The following NTNG1 variants were observed in gnomAD, a reference collection of about 807,000 sequenced individuals.
NTNG1 encodes the protein netrin G1.
Under a neutral mutation model 54.0 loss-of-function variants are expected in NTNG1, and 16 were observed. That is an observed-to-expected ratio of 0.30 (90% CI 0.20 to 0.45). The LOEUF (loss-of-function observed/expected upper bound fraction) is 0.45, where lower values mean the gene tolerates loss of function less well. Among genes scored for constraint, NTNG1 ranks in the 20% least tolerant of loss-of-function variants. NTNG1 has a pLI of 1.00. For missense variants in NTNG1, 530 were observed against 678.7 expected (o/e 0.78, Z 2.43); for synonymous variants, 255 against 263.1 (o/e 0.97, Z 0.30).
At chr1:107,400,323 T>G (rs1195115601) in intron 4 of NTNG1, among the ~76,000 whole-genome samples, 1 of 152,060 alleles carries the variant, frequency 6.6e-6, no homozygotes, top group Non-Finnish European at 1.5e-5. Context: ...TTACAACTGG[T>G]CAACTATCTT....
chr1:107,328,964 A>G (rs1256612453), intron 3 of NTNG1: 1 of 152,156 alleles, frequency 6.6e-6, no homozygotes, highest in Non-Finnish European at 1.5e-5. Flanking sequence ...AACTCCCATC[A>G]ACATCTTCAG....
At chr1:107,237,388 T>C (rs2101562065) in intron 2 of NTNG1, among the ~76,000 whole-genome samples, 1 of 152,298 alleles carries the variant, frequency 6.6e-6, no homozygotes, top group African/African-American at 2.4e-5. Flanking sequence ...CATAAAAGTT[T>C]GGAAAATATG....
intron 3 of NTNG1, among the ~76,000 whole-genome samples, chr1:107,350,153 A>C (rs1166752258): frequency 2.6e-5 from 4 of 152,182 alleles, no homozygotes; most frequent in Non-Finnish European, 4.4e-5. Flanking sequence ...TGATGAAGAT[A>C]GAAGCTCTAA....
intron 5 of NTNG1, among the ~76,000 whole-genome samples, chr1:107,426,999 T>A (rs897647895): frequency 6.6e-6 from 1 of 152,100 alleles, no homozygotes; most frequent in African/African-American, 2.4e-5. Context: ...TATTGGTGTA[T>A]AGAAATGCTA....
intron 7 of NTNG1, among the ~76,000 whole-genome samples, chr1:107,449,019 A>T (rs1406898548): frequency 6.6e-6 from 1 of 152,138 alleles, no homozygotes; most frequent in Non-Finnish European, 1.5e-5. Flanking sequence ...GATGGCAATT[A>T]CCATTTAATC....
At chr1:107,175,394 T>C (rs72979596) in intron 2 of NTNG1, among the ~76,000 whole-genome samples, 1 of 152,142 alleles carries the variant, frequency 6.6e-6, no homozygotes, top group Non-Finnish European at 1.5e-5. Flanking sequence ...CTTCATAGGA[T>C]AAATTGTTTG....
At chr1:107,179,755 C>A (rs548867995) in intron 2 of NTNG1, among the ~76,000 whole-genome samples, 42 of 152,220 alleles carry the variant, frequency 2.8e-4, no homozygotes, top group African/African-American at 9.1e-4. Flanking sequence ...ACCCTCCACC[C>A]TCCGAAATAT....
chr1:107,298,483 T>C (rs1666117272), intron 2 of NTNG1, among the ~76,000 whole-genome samples: 1 of 152,220 alleles, frequency 6.6e-6, no homozygotes, highest in Admixed American at 6.5e-5. Flanking sequence ...TAGCAGAGAA[T>C]ATGCCATCCA....
At chr1:107,174,546 A>C (rs1216308783) in intron 2 of NTNG1, among the ~76,000 whole-genome samples, 8 of 152,024 alleles carry the variant, frequency 5.3e-5, no homozygotes, top group Non-Finnish European at 1.5e-5. Context: ...CTGCCCACCA[A>C]GACTTCCAAA....
chr1:107,277,941 T>C (rs1664589727), intron 2 of NTNG1, among the ~76,000 whole-genome samples: 1 of 152,204 alleles, frequency 6.6e-6, no homozygotes, highest in Admixed American at 6.5e-5. Flanking sequence ...CGTTATTTCA[T>C]ATAACATTTT....
At chr1:107,473,061 C>G (rs930842444) in intron 7 of NTNG1, among the ~76,000 whole-genome samples, 2 of 152,080 alleles carry the variant, frequency 1.3e-5, no homozygotes, top group South Asian at 4.1e-4. Context: ...TTGAAAAGGA[C>G]GGGAACAATT....
At chr1:107,413,453 T>C (rs553677326) in intron 5 of NTNG1, among the ~76,000 whole-genome samples, 1 of 152,160 alleles carries the variant, frequency 6.6e-6, no homozygotes, top group East Asian at 1.9e-4. Flanking sequence ...CTTAAAAAAT[T>C]TTTTTCAATT....
chr1:107,359,936 G>T (rs1003964007), intron 3 of NTNG1, among the ~76,000 whole-genome samples: 4 of 152,116 alleles, frequency 2.6e-5, no homozygotes, highest in African/African-American at 9.7e-5. Context: ...ACCCAAAACA[G>T]TTGGGCCCAA....
chr1:107,219,746 C>G (rs1454719916), intron 2 of NTNG1, among the ~76,000 whole-genome samples: 1 of 152,146 alleles, frequency 6.6e-6, no homozygotes, highest in Admixed American at 6.5e-5. Flanking sequence ...GTGATGTGAT[C>G]TATCTTCAGG....
In NTNG1 at chr1:107,441,581, C is replaced by T. The variant is rs946877394; in HGVS notation, c.1390+4782C>T. Among the ~76,000 whole-genome samples the T allele has an allele frequency of 3.3e-5, 5 of 152,162 alleles. No homozygotes were observed. In the South Asian group the frequency reaches 6.2e-4, roughly 19 times the overall value. The stretch of plus-strand genomic sequence containing the variant: ...GGAAAGGCTTTCCATTTTTAAGGAA[C>T]CATGTGAATAGATTGGGCCCACACA... On this transcript the variant is annotated intron_variant, in intron 7 of 7. Transcript: ENST00000370068.
intron 7 of NTNG1, chr1:107,455,647 GT>G: frequency 2.0e-6 from 1 of 489,650 alleles, no homozygotes; most frequent in East Asian, 5.9e-5. Flanking sequence ...GGTAACTGCT[GT>G]TGCACTGCAG....
chr1:107,203,570 G>C (rs917801163), intron 2 of NTNG1, among the ~76,000 whole-genome samples: 6 of 83,544 alleles, frequency 7.2e-5, no homozygotes, highest in Admixed American at 3.6e-4. Context: ...CATATATATA[G>C]TTACTGTGTG....
At chr1:107,243,806 C>T (rs10494064) in intron 2 of NTNG1, among the ~76,000 whole-genome samples, 8,995 of 151,912 alleles carry the variant, frequency 0.059, 875 homozygotes, top group African/African-American at 0.2. Flanking sequence ...ACTCTGCACT[C>T]GAATCATTTT....
intron 2 of NTNG1, among the ~76,000 whole-genome samples, chr1:107,287,490 G>A (rs1484885271): frequency 6.6e-6 from 1 of 152,172 alleles, no homozygotes; most frequent in Non-Finnish European, 1.5e-5. Flanking sequence ...GCATGTGCCT[G>A]TAGTCCCGAC....
Sources: allele counts gnomAD v4.1 joint callset (sites outside exome capture counted in the v4.1 genomes callset), GRCh38; gene constraint gnomAD v4.1.1; transcripts MANE v1.5; gene names NCBI Gene and HGNC (gene_info 2026-07-23, HGNC 2026-07-21).